The following DLG5 variants were observed in gnomAD, a reference collection of about 807,000 sequenced individuals.
The protein encoded by DLG5 is discs large MAGUK scaffold protein 5, also known as disks large homolog 5.
DLG5 carries 48 observed loss-of-function variants against 189.8 expected under a neutral mutation model. The observed-to-expected ratio is 0.25, with a 90% CI of 0.20 to 0.32. The LOEUF is 0.32. Among genes scored for constraint, DLG5 ranks in the 10% least tolerant of loss-of-function variants. DLG5 has a pLI of 1.00. For missense variants in DLG5, 2,160 were observed against 2,544.7 expected (o/e 0.85, Z 3.25); for synonymous variants, 1,016 against 1,054.1 (o/e 0.96, Z 0.70).
In DLG5 at chr10:77,885,822, G is replaced by A. The variant is rs373273723; in HGVS notation, c.305-16625C>T. ...CCTGACATCCTACAGGTGTTCAGAG[G>A]GGGCGTGACTGAGCCAGGTCACACA... On this transcript the variant is annotated intron_variant, in intron 1 of 31. Transcript: ENST00000372391. Among the ~76,000 whole-genome samples, 9 of 152,372 alleles carry A rather than the reference G, an allele frequency of 5.9e-5. No homozygotes were observed. In the East Asian group the frequency reaches 1.5e-3, roughly 26 times the overall value.
In DLG5 at chr10:77,817,894, G is replaced by A. The variant is rs375958513; in HGVS notation, c.3672-5C>T. 627 of 1,550,640 alleles carry A rather than the reference G, an allele frequency of 4.0e-4. 5 individuals are homozygous for A. The African/African-American group carries it at 7.2e-3, about 18-fold the overall frequency. ...AGGCGTCCCTGGTGCTGGACACTGCGTAAAAACAAGAGGTGAGGAGTTCGG... is the reference window on the plus strand; with the variant it reads ...AGGCGTCCCTGGTGCTGGACACTGCATAAAAACAAGAGGTGAGGAGTTCGG... On this transcript the variant is annotated splice_polypyrimidine_tract_variant and splice_region_variant and intron_variant, in intron 17 of 31. Transcript: ENST00000372391.
chr10:77,933,739 G>C, the DLG5 span, among the ~76,000 whole-genome samples: 1 of 150,174 alleles, frequency 6.7e-6, no homozygotes, highest in Non-Finnish European at 1.5e-5. Flanking sequence ...AAAAAATTGC[G>C]TTTCTTTTCT....
intron 5 of DLG5, among the ~76,000 whole-genome samples, chr10:77,852,988 G>GT (rs372455365): frequency 1.4e-4 from 22 of 151,796 alleles, no homozygotes; most frequent in East Asian, 3.9e-4. Context: ...GGTTGGCTGT[G>GT]TTTTTTTTAT....
rs78434505 is a variant in DLG5 at position 77,890,968 on chromosome 10, G to C, written c.305-21771C>G. Among the ~76,000 whole-genome samples, 124 of 152,288 alleles carry C rather than the reference G, an allele frequency of 8.1e-4. 1 individual carries two copies. In the East Asian group the frequency reaches 0.022, roughly 27 times the overall value. On this transcript the variant is annotated intron_variant, in intron 1 of 31. Coordinates refer to ENST00000372391, the MANE Select transcript of DLG5 (RefSeq NM_004747.4). ...CCCACACTTCTGGCCAGACTATAGTGCCACTTGCTTATCACACCCAGCCCA... is the reference window on the plus strand; with the variant it reads ...CCCACACTTCTGGCCAGACTATAGTCCCACTTGCTTATCACACCCAGCCCA...
intron 1 of DLG5, among the ~76,000 whole-genome samples, chr10:77,922,912 C>T (rs1189902460): frequency 1.3e-5 from 2 of 152,224 alleles, no homozygotes; most frequent in African/African-American, 2.4e-5. Context: ...AGAGTTGCCC[C>T]GATGGGTTGG....
intron 18 of DLG5, 57 bp downstream of exon 18, chr10:77,817,720 G>T: frequency 6.9e-7 from 1 of 1,444,316 alleles, no homozygotes; most frequent in Non-Finnish European, 9.5e-7. Context: ...TTAGGATGCA[G>T]GCAGAGATGA....
intron 1 of DLG5, among the ~76,000 whole-genome samples, chr10:77,881,967 C>T (rs891098922): frequency 3.9e-5 from 6 of 152,190 alleles, no homozygotes; most frequent in African/African-American, 9.7e-5. Flanking sequence ...CATCAGCAAA[C>T]GGGTGCTGTT....
At position 77,819,235 on chromosome 10, in the gene DLG5, A is replaced by G. The variant is rs534873732; in HGVS notation, c.3671+86T>C. The stretch of plus-strand genomic sequence containing the variant: ...GGCAGGCAAGGAAGCTTCTCCACCA[A>G]TGAGCCTCTTTATGCACTCATGGTT... On this transcript the variant is annotated intron_variant, in intron 17 of 31. Coordinates refer to ENST00000372391, the MANE Select transcript of DLG5 (RefSeq NM_004747.4). 58 of 1,596,862 alleles carry G rather than the reference A, an allele frequency of 3.6e-5. No individual in the cohort carries two copies. The African/African-American group carries it at 4.1e-4, about 11-fold the overall frequency.
In DLG5 at chr10:77,843,438, T is replaced by G. The variant is rs747796669; in HGVS notation, c.1124+9A>C. ...ATTTGCCCCCGGCCCCCGATGGCCC[T>G]AGCCCTACCTCCTCAGGGAGAGGGC... is the stretch of plus-strand genomic sequence containing the variant. On this transcript the variant is annotated intron_variant, in intron 6 of 31. Transcript: ENST00000372391. The G allele has an allele frequency of 4.3e-6, 7 of 1,612,844 alleles. No homozygotes were observed. The South Asian group carries it at 6.6e-5, about 15-fold the overall frequency.
intron 5 of DLG5, among the ~76,000 whole-genome samples, chr10:77,844,499 C>A (rs1843588351): frequency 6.6e-6 from 1 of 152,172 alleles, no homozygotes; most frequent in Admixed American, 6.5e-5. Context: ...TAAATCGGAC[C>A]TAAAGACTCT....
At chr10:77,847,236 G>C (rs1843739901) in intron 5 of DLG5, among the ~76,000 whole-genome samples, 1 of 152,136 alleles carries the variant, frequency 6.6e-6, no homozygotes, top group African/African-American at 2.4e-5. Context: ...GACCGAGAGA[G>C]AGAGATCAGG....
chr10:77,917,355 C>A (rs1355668765), intron 1 of DLG5, among the ~76,000 whole-genome samples: 1 of 150,726 alleles, frequency 6.6e-6, no homozygotes, highest in East Asian at 2.0e-4. Context: ...AAAAAACAAA[C>A]AAACAAAAAA....
At chr10:77,886,822 T>TG (rs1196998099) in intron 1 of DLG5, among the ~76,000 whole-genome samples, 1 of 152,188 alleles carries the variant, frequency 6.6e-6, no homozygotes, top group African/African-American at 2.4e-5. Flanking sequence ...CCAAAATGAC[T>TG]GGCATCCTTA....
At chr10:77,908,616 G>C (rs1175810358) in intron 1 of DLG5, among the ~76,000 whole-genome samples, 6 of 152,230 alleles carry the variant, frequency 3.9e-5, no homozygotes, top group Non-Finnish European at 8.8e-5. Context: ...CCTGCTCTGT[G>C]CTCTCCCCTC....
chr10:77,852,260 A>G (rs1180064292), intron 5 of DLG5, among the ~76,000 whole-genome samples: 1 of 152,054 alleles, frequency 6.6e-6, no homozygotes, highest in Non-Finnish European at 1.5e-5. Flanking sequence ...AGTCCCAGCT[A>G]CTAAGGAGGC....
chr10:77,929,326 G>A (rs1222333497), upstream of DLG5: 3 of 152,184 alleles, frequency 2.0e-5, no homozygotes, highest in African/African-American at 7.2e-5. Flanking sequence ...ACAGATGTTA[G>A]TTACCACCCG....
At chr10:77,904,753 A>T (rs1250278764) in intron 1 of DLG5, among the ~76,000 whole-genome samples, 1 of 144,490 alleles carries the variant, frequency 6.9e-6, no homozygotes, top group Non-Finnish European at 1.5e-5. Flanking sequence ...CAAATTAAAC[A>T]TCCTGTTCTT....
At chr10:77,817,697 G>C in intron 18 of DLG5, 80 bp downstream of exon 18, 1 of 1,287,764 alleles carries the variant, frequency 7.8e-7, no homozygotes. Flanking sequence ...GAGCCCACCC[G>C]CAGATCTGGA....
chr10:77,911,103 AT>A (rs578252286), intron 1 of DLG5, among the ~76,000 whole-genome samples: 1 of 151,374 alleles, frequency 6.6e-6, no homozygotes, highest in Non-Finnish European at 1.5e-5. Context: ...GCCACTATAT[AT>A]TTTTTTTAAG....
Sources: allele counts gnomAD v4.1 joint callset (sites outside exome capture counted in the v4.1 genomes callset), GRCh38; gene constraint gnomAD v4.1.1; transcripts MANE v1.5; gene names NCBI Gene and HGNC (gene_info 2026-07-23, HGNC 2026-07-21).